The following DLG2 variants were observed in gnomAD, a reference collection of about 807,000 sequenced individuals.
The protein encoded by DLG2 is discs large MAGUK scaffold protein 2.
DLG2 carries 45 observed loss-of-function variants against 132.5 expected under a neutral mutation model. That is an observed-to-expected ratio of 0.34 (90% CI 0.27 to 0.44). The LOEUF (loss-of-function observed/expected upper bound fraction) is 0.44, where lower values mean the gene tolerates loss of function less well. DLG2 is among the 20% of genes least tolerant of loss of function. DLG2 has a pLI of 1.00. For missense variants in DLG2, 1,045 were observed against 1,196.9 expected (o/e 0.87, Z 1.87); for synonymous variants, 424 against 419.6 (o/e 1.01, Z -0.13).
At chr11:84,257,291 G>A (rs1440172644) in intron 7 of DLG2, among the ~76,000 whole-genome samples, 1 of 152,072 alleles carries the variant, frequency 6.6e-6, no homozygotes, top group Non-Finnish European at 1.5e-5. Flanking sequence ...TTAGGCTGGA[G>A]TTCCACATCT....
intron 6 of DLG2, among the ~76,000 whole-genome samples, chr11:84,928,139 G>A (rs72955531): frequency 6.6e-6 from 1 of 151,870 alleles, no homozygotes; most frequent in Non-Finnish European, 1.5e-5. Flanking sequence ...TTGTAAATGA[G>A]ATAATTTTAG....
intron 6 of DLG2, among the ~76,000 whole-genome samples, chr11:84,825,264 T>C (rs983554919): frequency 6.6e-6 from 1 of 151,822 alleles, no homozygotes; most frequent in Non-Finnish European, 1.5e-5. Flanking sequence ...ATCATCTTAC[T>C]GTATTTGTAT....
At chr11:84,584,309 C>A (rs1173436572) in intron 6 of DLG2, among the ~76,000 whole-genome samples, 1 of 151,842 alleles carries the variant, frequency 6.6e-6, no homozygotes, top group African/African-American at 2.4e-5. Context: ...TATTTGTTTA[C>A]CTTTTCTTTT....
chr11:85,148,145 G>T (rs2076984943), intron 5 of DLG2, among the ~76,000 whole-genome samples: 1 of 152,116 alleles, frequency 6.6e-6, no homozygotes, highest in African/African-American at 2.4e-5. Flanking sequence ...TCGTTATCCA[G>T]TCTGTAATTG....
chr11:84,126,419 A>G (rs1437439387), intron 9 of DLG2, among the ~76,000 whole-genome samples: 3 of 152,210 alleles, frequency 2.0e-5, no homozygotes, highest in East Asian at 1.9e-4. Flanking sequence ...CTTTTAAAGC[A>G]TAATACCAAA....
At chr11:85,594,229 T>A (rs2079568890) in intron 3 of DLG2, among the ~76,000 whole-genome samples, 2 of 152,182 alleles carry the variant, frequency 1.3e-5, no homozygotes, top group African/African-American at 4.8e-5. Context: ...AGATGATAAA[T>A]CCCAATATGT....
At chr11:85,398,738 T>G (rs1206427677) in intron 3 of DLG2, among the ~76,000 whole-genome samples, 1 of 152,036 alleles carries the variant, frequency 6.6e-6, no homozygotes, top group Non-Finnish European at 1.5e-5. Context: ...AGAAGTTGAA[T>G]CTCTGAATAA....
intron 8 of DLG2, among the ~76,000 whole-genome samples, chr11:84,242,992 G>A (rs2097252568): frequency 4.1e-5 from 1 of 24,522 alleles, no homozygotes; most frequent in Non-Finnish European, 7.5e-5. Flanking sequence ...GATTAATTAG[G>A]TTCTCTCTCT....
chr11:85,524,147 T>A (rs1479897950), intron 3 of DLG2, among the ~76,000 whole-genome samples: 1 of 152,120 alleles, frequency 6.6e-6, no homozygotes, highest in Non-Finnish European at 1.5e-5. Context: ...AAAAATATAG[T>A]TAGAAAGCGT....
chr11:83,771,534 G>C (rs1237412970), intron 18 of DLG2, among the ~76,000 whole-genome samples: 1 of 152,118 alleles, frequency 6.6e-6, no homozygotes, highest in African/African-American at 2.4e-5. Flanking sequence ...ATGGCCTCTT[G>C]TTCCTGCGCT....
chr11:84,449,734 CT>C (rs979395018), intron 7 of DLG2, among the ~76,000 whole-genome samples: 1 of 151,746 alleles, frequency 6.6e-6, no homozygotes, highest in African/African-American at 2.4e-5. Context: ...ATTTGACTCA[CT>C]TTTTATTTAA....
At chr11:83,798,215 C>T (rs1408757646) in intron 17 of DLG2, among the ~76,000 whole-genome samples, 1 of 152,226 alleles carries the variant, frequency 6.6e-6, no homozygotes, top group Non-Finnish European at 1.5e-5. Context: ...ATCTTGGTCC[C>T]TTCCCTTACC....
chr11:85,513,939 A>T (rs1385329083), intron 3 of DLG2, among the ~76,000 whole-genome samples: 3 of 151,800 alleles, frequency 2.0e-5, no homozygotes, highest in Admixed American at 1.3e-4. Flanking sequence ...CCCCATCCTC[A>T]TTGTTTCTTC....
chr11:84,256,548 G>A (rs537699228), intron 7 of DLG2, among the ~76,000 whole-genome samples: 1 of 152,216 alleles, frequency 6.6e-6, no homozygotes, highest in South Asian at 2.1e-4. Flanking sequence ...AGCTGACCCG[G>A]GACATGCAAA....
intron 7 of DLG2, among the ~76,000 whole-genome samples, chr11:84,495,048 A>C (rs1000065851): frequency 3.3e-5 from 5 of 152,146 alleles, no homozygotes; most frequent in African/African-American, 7.2e-5. Context: ...GCTCACCCAC[A>C]TACACACACC....
chr11:84,180,224 T>C (rs751476649), intron 8 of DLG2, among the ~76,000 whole-genome samples: 1 of 151,974 alleles, frequency 6.6e-6, no homozygotes, highest in Non-Finnish European at 1.5e-5. Flanking sequence ...CTGGAGGTAA[T>C]ATAGTAAAGA....
At chr11:85,062,219 T>A (rs1347491050) in intron 6 of DLG2, among the ~76,000 whole-genome samples, 6 of 151,830 alleles carry the variant, frequency 4.0e-5, no homozygotes, top group Non-Finnish European at 1.5e-5. Context: ...TTTTATGCTA[T>A]GAAGAAAAGT....
At chr11:84,074,529 A>AT (rs59822508) in intron 10 of DLG2, among the ~76,000 whole-genome samples, 4,980 of 139,330 alleles carry the variant, frequency 0.036, 276 homozygotes, top group African/African-American at 0.12. Context: ...AGAGTTTCTA[A>AT]TTTTTTTTTT....
chr11:84,988,507 A>G (rs138891194), intron 6 of DLG2, among the ~76,000 whole-genome samples: 81 of 152,320 alleles, frequency 5.3e-4, no homozygotes, highest in African/African-American at 1.9e-3. Flanking sequence ...CTGATATTAT[A>G]TATATTACAT....
Sources: allele counts gnomAD v4.1 joint callset (sites outside exome capture counted in the v4.1 genomes callset), GRCh38; gene constraint gnomAD v4.1.1; transcripts MANE v1.5; gene names NCBI Gene and HGNC (gene_info 2026-07-23, HGNC 2026-07-21).